Variants in PCDHGA11 observed in about 807,000 individuals in gnomAD.
PCDHGA11 encodes the protein protocadherin gamma-A11.
A neutral mutation model predicts 60.4 loss-of-function variants in PCDHGA11; 39 were observed. The ratio of observed to expected loss-of-function variants is 0.65; its 90% CI spans 0.50 to 0.84. PCDHGA11 has a LOEUF of 0.84. Ranked by LOEUF, PCDHGA11 falls within the 40% of genes least tolerant of loss-of-function variation. The probability of loss-of-function intolerance (pLI) is 0.00; values close to 1 mark genes in which losing one functional copy is unlikely to be tolerated. For synonymous variants in PCDHGA11, 533 were observed against 510.3 expected (o/e 1.04, Z -0.60); for missense variants, 1,165 against 1,197.7 (o/e 0.97, Z 0.40).
At chr5:141,479,936 T>C (rs532302710) in intron 1 of PCDHGA11, among the ~76,000 whole-genome samples, 97 of 152,340 alleles carry the variant, frequency 6.4e-4, no homozygotes, top group African/African-American at 2.2e-3. Flanking sequence ...ATCATTGCTA[T>C]CAACTCTTGG....
At chr5:141,466,324 C>A (rs2154569179) in intron 1 of PCDHGA11, among the ~76,000 whole-genome samples, 1 of 152,218 alleles carries the variant, frequency 6.6e-6, no homozygotes, top group East Asian at 1.9e-4. Context: ...GCACATGCTA[C>A]CATGCCTGGA....
rs773688197 is a variant in PCDHGA11 at position 141,432,412 on chromosome 5, C to A, written c.2433+8752C>A. 2.5e-6 allele frequency: 4 copies of A among 1,614,128 alleles called. No homozygotes were observed. The Admixed American group carries it at 6.7e-5, about 27-fold the overall frequency. On this transcript the variant is annotated intron_variant, in intron 1 of 3. Transcript: ENST00000398587. The surrounding 1 kb of genome is among the most constrained non-coding windows in gnomAD (Gnocchi z 6.0). ...GCAGCAACGTGTCGTTGAGCCTGTT[C>A]GTGCTGGACCAGAACGACAATGCGC...
At chr5:141,495,013 T>C (rs2099758300) in intron 2 of PCDHGA11, 148 bp downstream of exon 2, 12 of 1,511,014 alleles carry the variant, frequency 7.9e-6, no homozygotes, top group Non-Finnish European at 1.1e-5. Context: ...TGCGGGGGGC[T>C]GGCACACAGA....
chr5:141,431,916 T>C lies in PCDHGA11; in HGVS notation c.2433+8256T>C, dbSNP rs2097428336. 1 of 1,614,056 alleles carries C rather than the reference T, an allele frequency of 6.2e-7. No homozygotes were observed. Among genetic ancestry groups the C allele is most frequent in the Middle Eastern group, 1.6e-4 (1 of 6,062 alleles). ...GAAAACGGACAGGTGATCTGTTTCA[T>C]CCAAGGAAATCTGCCCTTTAAATTA... On this transcript the variant is annotated intron_variant, in intron 1 of 3. Transcript: ENST00000398587. The surrounding 1 kb of genome is among the most constrained non-coding windows in gnomAD (Gnocchi z 4.8).
At chr5:141,448,710 G>T (rs897054829) in intron 1 of PCDHGA11, among the ~76,000 whole-genome samples, 1 of 152,162 alleles carries the variant, frequency 6.6e-6, no homozygotes, top group Non-Finnish European at 1.5e-5. Flanking sequence ...GGAGGCCGAG[G>T]CGGGAGGATC....
chr5:141,487,067 G>C lies in PCDHGA11; in HGVS notation c.2434-7740G>C, dbSNP rs765539804. 3 of 1,614,048 alleles carry C rather than the reference G, an allele frequency of 1.9e-6. No individual in the cohort carries two copies. The highest frequency in any genetic ancestry group is 3.3e-5 in the Admixed American group (2 of 60,010). ...ATATGCTGGGGAGGTGCGGACGGCT[G>C]TTCCTATCCCAGCTGACCTCCCACC... On this transcript the variant is annotated intron_variant, in intron 1 of 3. Coordinates refer to ENST00000398587, the MANE Select transcript of PCDHGA11 (RefSeq NM_018914.3). The surrounding 1 kb of genome is among the most constrained non-coding windows in gnomAD (Gnocchi z 5.0).
intron 2 of PCDHGA11, among the ~76,000 whole-genome samples, chr5:141,500,768 A>C (rs2099802446): frequency 6.6e-6 from 1 of 152,180 alleles, no homozygotes; most frequent in African/African-American, 2.4e-5. Flanking sequence ...AACTCCTCTT[A>C]TGAATATACA....
At chr5:141,451,561 C>T (rs1412657561) in intron 1 of PCDHGA11, among the ~76,000 whole-genome samples, 2 of 152,096 alleles carry the variant, frequency 1.3e-5, no homozygotes, top group Non-Finnish European at 2.9e-5. Flanking sequence ...ATGAAAGCCA[C>T]AATCTTTTTA....
intron 1 of PCDHGA11, chr5:141,433,260 C>A: frequency 1.5e-6 from 2 of 1,352,308 alleles, no homozygotes; most frequent in South Asian, 1.4e-5. Flanking sequence ...GCGGTACGAT[C>A]ATAGCTCACT....
At chr5:141,427,603 T>G in intron 1 of PCDHGA11, 2 of 681,440 alleles carry the variant, frequency 2.9e-6, no homozygotes, top group East Asian at 2.8e-5. Flanking sequence ...ACCCTACGCA[T>G]TGGTGAAGTC....
intron 3 of PCDHGA11, among the ~76,000 whole-genome samples, chr5:141,508,742 C>A (rs955179947): frequency 2.0e-5 from 3 of 151,998 alleles, no homozygotes; most frequent in Admixed American, 6.6e-5. Context: ...CCCCCCACCC[C>A]GCTCTTTCTC....
chr5:141,509,663 G>A (rs933532930), intron 3 of PCDHGA11, among the ~76,000 whole-genome samples: 1 of 152,140 alleles, frequency 6.6e-6, no homozygotes, highest in Non-Finnish European at 1.5e-5. Context: ...ACTTCTCTGG[G>A]CCCCAGTTTC....
chr5:141,422,866 G>C lies in PCDHGA11; in HGVS notation c.1639G>C (p.Val547Leu). The change falls in exon 1 of 4, where the codon GTG becomes CTG. Residue 547 changes from valine to leucine, a missense_variant. Val to Leu is a conservative substitution (Grantham distance 32). Coordinates refer to ENST00000398587, the MANE Select transcript of PCDHGA11 (RefSeq NM_018914.3). ...DSGDPPLSSN[V>L]SLSLFVLDQN... is the part of the protein sequence containing the mutation. The stretch of plus-strand genomic sequence containing the variant: ...CGGGGACCCGCCCCTCAGCAGCAAC[G>C]TGTCGCTGAGCCTGTTCGTGCTGGA... 2 of 1,614,216 alleles carry C rather than the reference G, an allele frequency of 1.2e-6. No individual in the cohort carries two copies. The highest frequency in any genetic ancestry group is 8.5e-7 in the Non-Finnish European group (1 of 1,180,046).
intron 1 of PCDHGA11, among the ~76,000 whole-genome samples, chr5:141,435,043 C>T (rs2097739230): frequency 1.3e-5 from 2 of 151,658 alleles, no homozygotes; most frequent in African/African-American, 2.4e-5. Flanking sequence ...ATTTTTTTCC[C>T]ATTGACCATG....
At chr5:141,426,916 A>T (rs1227752756) in intron 1 of PCDHGA11, 2 of 456,618 alleles carry the variant, frequency 4.4e-6, no homozygotes, top group Non-Finnish European at 4.4e-6. Context: ...CTGGTCCTGG[A>T]AGCAATGGAC....
chr5:141,460,075 C>T (rs2098981644), intron 1 of PCDHGA11, among the ~76,000 whole-genome samples: 2 of 151,896 alleles, frequency 1.3e-5, no homozygotes, highest in East Asian at 1.9e-4. Context: ...GAGACTTCAT[C>T]TAAAAAATAA....
rs755163825 is a variant in PCDHGA11, at chr5:141,491,048, C to A, written c.2434-3759C>A. 6.2e-6 allele frequency: 10 copies of A among 1,613,948 alleles called. No individual in the cohort carries two copies. Among genetic ancestry groups the A allele is most frequent in the Non-Finnish European group, 7.6e-6 (9 of 1,179,960 alleles). ...GTGGATGCTGATGCAGGCCACAATG[C>A]GTGGCTCTCCTACTCACTGTTGCCA... On this transcript the variant is annotated intron_variant, in intron 1 of 3. Coordinates refer to ENST00000398587, the MANE Select transcript of PCDHGA11 (RefSeq NM_018914.3). The surrounding 1 kb of genome is among the most constrained non-coding windows in gnomAD (Gnocchi z 6.9).
At chr5:141,479,056 A>G (rs952560687) in intron 1 of PCDHGA11, among the ~76,000 whole-genome samples, 1 of 152,098 alleles carries the variant, frequency 6.6e-6, no homozygotes, top group Admixed American at 6.5e-5. Context: ...TTCTCAGATA[A>G]TTTTTTATGA....
intron 1 of PCDHGA11, among the ~76,000 whole-genome samples, chr5:141,461,733 C>G (rs930217307): frequency 2.0e-5 from 3 of 152,168 alleles, no homozygotes; most frequent in African/African-American, 2.4e-5. Context: ...TGCAGTGGCA[C>G]AATCCCGGCT....
Sources: allele counts gnomAD v4.1 joint callset (sites outside exome capture counted in the v4.1 genomes callset), GRCh38; gene constraint gnomAD v4.1.1; non-coding constraint Gnocchi (gnomAD v3.1); transcripts MANE v1.5; gene names NCBI Gene and HGNC (gene_info 2026-07-23, HGNC 2026-07-21).